Variants in PTK2 observed in about 807,000 individuals in gnomAD.
The protein encoded by PTK2 is protein tyrosine kinase 2, also known as focal adhesion kinase 1.
In PTK2, 45 loss-of-function variants were observed where a neutral mutation model predicts 150.1. That is an observed-to-expected ratio of 0.30 (90% confidence interval 0.24 to 0.38). The LOEUF is 0.38. PTK2 is among the 10% of genes least tolerant of loss of function. The pLI, the probability that PTK2 is intolerant of heterozygous loss-of-function variation, is 1.00. For synonymous variants in PTK2, 432 were observed against 449.2 expected, an observed-to-expected ratio of 0.96 and a Z score of 0.48; for missense variants, 919 against 1,307.3, an observed-to-expected ratio of 0.70 and a Z score of 4.58.
intron 29 of PTK2, among the ~76,000 whole-genome samples, chr8:140,673,343 TG>T (rs2072238986): frequency 6.6e-6 from 1 of 151,870 alleles, no homozygotes; most frequent in African/African-American, 2.4e-5. Flanking sequence ...CTCCTGACCT[TG>T]TGATCCGCCC....
chr8:140,947,152 G>C (rs777393421), intron 1 of PTK2, among the ~76,000 whole-genome samples: 5 of 152,040 alleles, frequency 3.3e-5, no homozygotes, highest in Non-Finnish European at 5.9e-5. Context: ...CTCCACCCCT[G>C]CTTGGCTCTG....
At chr8:140,722,127 T>C (rs2100043237) in intron 22 of PTK2, among the ~76,000 whole-genome samples, 2 of 152,216 alleles carry the variant, frequency 1.3e-5, no homozygotes, top group South Asian at 4.1e-4. Flanking sequence ...AAGCTTCCTG[T>C]TCTTTTTAAA....
At chr8:140,992,516 T>C (rs568420311) in intron 1 of PTK2, among the ~76,000 whole-genome samples, 2 of 152,088 alleles carry the variant, frequency 1.3e-5, no homozygotes, top group Admixed American at 1.3e-4. Context: ...ACCCTCAGTG[T>C]TTGATTCAAG....
intron 1 of PTK2, among the ~76,000 whole-genome samples, chr8:140,968,451 A>G (rs2100186075): frequency 6.6e-6 from 1 of 152,210 alleles, no homozygotes; most frequent in Admixed American, 6.5e-5. Context: ...TCACATTTAC[A>G]AAAGAGTTAC....
At position 140,714,490 on chromosome 8, in the gene PTK2, TA is replaced by T. The variant is rs527379790; in HGVS notation, c.2142+3107del. Among the ~76,000 whole-genome samples, 1,278 of 139,114 alleles carry T rather than the reference TA, an allele frequency of 9.2e-3. 14 individuals are homozygous for T. Among genetic ancestry groups the T allele is most frequent in the African/African-American group, 0.017 (654 of 38,178 alleles). 91.3% of individuals were successfully genotyped at this position (139,114 alleles called of 152,430 possible). ...AGAAAGAAAGGAAGGAAGGAAGAAA[TA>T]AAAAAAAAAAATCTAAGTAAGACAG... is the stretch of plus-strand genomic sequence containing the variant. On this transcript the variant is annotated intron_variant, in intron 23 of 31. Coordinates refer to ENST00000522684, the Ensembl canonical transcript of PTK2.
intron 1 of PTK2, among the ~76,000 whole-genome samples, chr8:141,000,385 C>G (rs1194871616): frequency 1.3e-5 from 2 of 152,182 alleles, no homozygotes; most frequent in Admixed American, 1.3e-4. Flanking sequence ...ACCGGCAGGC[C>G]GCTCGGAGCC....
At position 140,911,396 on chromosome 8, in the gene PTK2, T is replaced by C. The variant is rs967188085; in HGVS notation, c.-33+14265A>G. Among the ~76,000 whole-genome samples the C allele has an allele frequency of 1.7e-4, 26 of 152,274 alleles. No homozygotes were observed. In the East Asian group the frequency reaches 4.0e-3, roughly 24 times the overall value. ...TTTAGATTTTGTTCACATCTAGTCT[T>C]TTCACTGTTTTTTTAAGAAACTGGT... On this transcript the variant is annotated intron_variant, in intron 2 of 31. Coordinates refer to ENST00000522684, the Ensembl canonical transcript of PTK2.
At chr8:140,736,386 G>A (rs531495349) in intron 21 of PTK2, among the ~76,000 whole-genome samples, 3 of 152,158 alleles carry the variant, frequency 2.0e-5, no homozygotes, top group Non-Finnish European at 4.4e-5. Context: ...GGGAGGGAAG[G>A]AGGTGGGTAA....
rs186917757 is a variant in PTK2, at chr8:140,892,313, T to C, written c.-32-1544A>G. 1.4e-3 allele frequency among the ~76,000 whole-genome samples: 211 copies of C among 152,246 alleles called. 1 individual carries two copies. Among genetic ancestry groups the C allele is most frequent in the African/African-American group, 4.8e-3 (198 of 41,532 alleles). On this transcript the variant is annotated intron_variant, in intron 2 of 31. Transcript: ENST00000522684. ...ACTTTGGGAGGCTGAGGCAGGCAGA[T>C]TGCTTGAGCCCAAAGGTTCAAGACC...
intron 26 of PTK2, among the ~76,000 whole-genome samples, chr8:140,699,313 T>C (rs1361884780): frequency 6.6e-6 from 1 of 152,172 alleles, no homozygotes; most frequent in Non-Finnish European, 1.5e-5. Context: ...AAGATTGAAA[T>C]AGCTATTCTG....
rs375500950 is a variant in PTK2 at position 140,996,010 on chromosome 8, G to A, written c.-122+5115C>T. Among the ~76,000 whole-genome samples the A allele has an allele frequency of 2.8e-4, 42 of 152,088 alleles. 1 individual carries two copies. Among genetic ancestry groups the A allele is most frequent in the African/African-American group, 9.4e-4 (39 of 41,506 alleles). On this transcript the variant is annotated intron_variant, in intron 1 of 31. Transcript: ENST00000522684. ...CGACACCCGAGAACCACTTCAACCC[G>A]TGAGGCGGAGGGTGCAGTCAGCCAA...
rs1388028746 is a variant in PTK2 at position 140,938,456 on chromosome 8, C to T, written c.-121-12707G>A. 1.5e-4 allele frequency among the ~76,000 whole-genome samples: 23 copies of T among 152,338 alleles called. No homozygotes were observed. The East Asian group carries it at 3.9e-3, about 26-fold the overall frequency. On this transcript the variant is annotated intron_variant, in intron 1 of 31. Coordinates refer to ENST00000522684, the Ensembl canonical transcript of PTK2. ...ACCTAGAGAGAACACCGCCCCACTCCTTTTTGCTGTCTGTCACAAGGATTG... is the reference window on the plus strand; with the variant it reads ...ACCTAGAGAGAACACCGCCCCACTCTTTTTTGCTGTCTGTCACAAGGATTG...
At chr8:140,956,535 C>T (rs1205435851) in intron 1 of PTK2, among the ~76,000 whole-genome samples, 1 of 152,178 alleles carries the variant, frequency 6.6e-6, no homozygotes, top group Non-Finnish European at 1.5e-5. Flanking sequence ...AGAGTACACG[C>T]CTTCTACTTA....
rs2100040441 is a variant in PTK2, at chr8:140,717,594, C to T, written c.2142+4G>A. The T allele has an allele frequency of 6.2e-7, 1 of 1,608,950 alleles. No individual in the cohort carries two copies. The highest frequency in any genetic ancestry group is 1.7e-5 in the Admixed American group (1 of 59,982). On this transcript the variant is annotated splice_donor_region_variant and intron_variant, in intron 23 of 31. Coordinates refer to ENST00000522684, the Ensembl canonical transcript of PTK2. The stretch of plus-strand genomic sequence containing the variant: ...CCCAAAGTTGGGGTGGGGACTGTAG[C>T]TACCTTGGGCGGTGCTTCATCAGAC...
chr8:140,785,370 C>T (rs912284404), intron 14 of PTK2, among the ~76,000 whole-genome samples: 2 of 152,208 alleles, frequency 1.3e-5, no homozygotes, highest in Non-Finnish European at 2.9e-5. Flanking sequence ...CATGTCTTTA[C>T]ATGCAATGGG....
chr8:140,995,522 A>G (rs551196419), intron 1 of PTK2, among the ~76,000 whole-genome samples: 2 of 152,238 alleles, frequency 1.3e-5, no homozygotes, highest in East Asian at 3.9e-4. Context: ...AAACCAAGAT[A>G]GGGCCGGGCA....
intron 4 of PTK2, among the ~76,000 whole-genome samples, chr8:140,869,618 A>G (rs976643636): frequency 6.6e-6 from 1 of 152,190 alleles, no homozygotes; most frequent in Non-Finnish European, 1.5e-5. Flanking sequence ...GACAAAAGTC[A>G]GGATATCAGT....
In PTK2 at chr8:140,858,803, T is replaced by C. The variant is rs377646997; in HGVS notation, c.450+5509A>G. Reference sequence around the variant, plus strand: ...AAGACACATTCCACTCAAGCAAAACTGGAACCTTAACAATATCTAAATATG... The same window carrying C: ...AAGACACATTCCACTCAAGCAAAACCGGAACCTTAACAATATCTAAATATG... On this transcript the variant is annotated intron_variant, in intron 5 of 31. Transcript: ENST00000522684. Among the ~76,000 whole-genome samples the C allele has an allele frequency of 2.6e-5, 4 of 152,296 alleles. No homozygotes were observed. In the East Asian group the frequency reaches 5.8e-4, roughly 22 times the overall value.
At chr8:140,871,477 A>T (rs765275793) in intron 4 of PTK2, among the ~76,000 whole-genome samples, 3 of 152,328 alleles carry the variant, frequency 2.0e-5, no homozygotes, top group East Asian at 3.9e-4. Context: ...CATTAAAAGC[A>T]ATAACAAAAT....
Sources: allele counts gnomAD v4.1 joint callset (sites outside exome capture counted in the v4.1 genomes callset), GRCh38; gene constraint gnomAD v4.1.1; transcripts MANE v1.5; gene names NCBI Gene and HGNC (gene_info 2026-07-23, HGNC 2026-07-21).